Variants in LZTS1 observed in about 807,000 individuals in gnomAD.
LZTS1 encodes leucine zipper putative tumor suppressor 1.
In LZTS1, 31 loss-of-function variants were observed where a neutral mutation model predicts 45.8. The ratio of observed to expected loss-of-function variants is 0.68; its 90% CI spans 0.51 to 0.91. The LOEUF (loss-of-function observed/expected upper bound fraction) is 0.91. Ranked by LOEUF, LZTS1 falls within the 40% of genes least tolerant of loss-of-function variation. The pLI, the probability that LZTS1 is intolerant of heterozygous loss-of-function variation, is 0.00. For synonymous variants in LZTS1, 359 were observed against 357.3 expected (o/e 1.00, Z -0.05); for missense variants, 821 against 788.9 (o/e 1.04, Z -0.49).
intron 1 of LZTS1, among the ~76,000 whole-genome samples, chr8:20,281,661 G>A (rs923280017): frequency 6.6e-6 from 1 of 152,168 alleles, no homozygotes; most frequent in East Asian, 1.9e-4. Flanking sequence ...ATTGAAAAGA[G>A]GCTGGCATCT....
At position 20,253,152 on chromosome 8, in the gene LZTS1, T is replaced by C. The variant is rs759878522; in HGVS notation, c.779A>G (p.Glu260Gly). 1.2e-6 allele frequency: 2 copies of C among 1,613,306 alleles called. No individual in the cohort carries two copies. The highest frequency in any genetic ancestry group is 2.2e-5 in the South Asian group (2 of 91,086). ...CTGCTCCAGCTCCTGGATGCTGCAC[T>C]CGTCCGTGGAGATGGGGGAGCGGAC... ...SCVRSPISTD[E>G]CSIQELEQKL... is the part of the protein sequence containing the mutation. Residue 260 changes from glutamate to glycine, a missense_variant, in exon 3 of 4, where the codon GAG becomes GGG. Coordinates refer to ENST00000381569, the MANE Select transcript of LZTS1 (RefSeq NM_021020.5).
intron 3 of LZTS1, among the ~76,000 whole-genome samples, chr8:20,252,378 C>A (rs1247214641): frequency 3.3e-5 from 5 of 152,200 alleles, no homozygotes; most frequent in Admixed American, 3.3e-4. Context: ...CCCTCCAAAG[C>A]AACAAATGCA....
intron 1 of LZTS1, among the ~76,000 whole-genome samples, chr8:20,300,982 G>A (rs561465235): frequency 2.0e-5 from 3 of 152,032 alleles, no homozygotes; most frequent in East Asian, 1.9e-4. Context: ...TTAGCCAGGC[G>A]TGGTGGCAGG....
intron 1 of LZTS1, among the ~76,000 whole-genome samples, chr8:20,276,346 C>G (rs1800582999): frequency 6.6e-6 from 1 of 151,884 alleles, no homozygotes; most frequent in South Asian, 2.1e-4. Flanking sequence ...AGCCACTGCC[C>G]CTAACCTCTG....
At chr8:20,257,584 C>A (rs1461643778) in intron 1 of LZTS1, among the ~76,000 whole-genome samples, 1 of 152,132 alleles carries the variant, frequency 6.6e-6, no homozygotes, top group Non-Finnish European at 1.5e-5. Context: ...CTAGTTACAT[C>A]ACCTGCCAGC....
At chr8:20,287,553 G>A (rs1370078581) in intron 1 of LZTS1, among the ~76,000 whole-genome samples, 7 of 152,276 alleles carry the variant, frequency 4.6e-5, no homozygotes, top group East Asian at 3.9e-4. Flanking sequence ...AATCTGTGCC[G>A]TCTTCAGGGC....
At chr8:20,256,982 A>T (rs1394361067) in intron 1 of LZTS1, among the ~76,000 whole-genome samples, 1 of 152,158 alleles carries the variant, frequency 6.6e-6, no homozygotes, top group Non-Finnish European at 1.5e-5. Context: ...GAAAAAGAGC[A>T]GCAGAGAAGG....
chr8:20,263,494 T>G (rs1285147297), intron 1 of LZTS1, among the ~76,000 whole-genome samples: 1 of 152,204 alleles, frequency 6.6e-6, no homozygotes, highest in Non-Finnish European at 1.5e-5. Context: ...TCATACATCC[T>G]GCTCTGGAGG....
intron 1 of LZTS1, among the ~76,000 whole-genome samples, chr8:20,302,179 T>C (rs151084436): frequency 9.9e-5 from 15 of 152,218 alleles, no homozygotes; most frequent in Middle Eastern, 3.4e-3. Context: ...CTGGTAGTTA[T>C]GTTGTGAGGA....
Position 20,274,931 on chromosome 8 carries a change from A to G in LZTS1, c.-134-19616T>C, listed in dbSNP as rs1048787346. Among the ~76,000 whole-genome samples the G allele has an allele frequency of 1.2e-4, 18 of 147,550 alleles. 1 individual carries two copies. Among genetic ancestry groups the G allele is most frequent in the Admixed American group, 1.2e-3 (18 of 15,066 alleles). On this transcript the variant is annotated intron_variant, in intron 1 of 3. Transcript: ENST00000381569. ...GTGGGCTCCTTGGAGCGCTGTGATCAAAAACAAAGATAGAGTGGCTGCCAT... is the reference window on the plus strand; with the variant it reads ...GTGGGCTCCTTGGAGCGCTGTGATCGAAAACAAAGATAGAGTGGCTGCCAT...
chr8:20,279,969 CAAA>C (rs57894688), intron 1 of LZTS1, among the ~76,000 whole-genome samples: 23 of 133,882 alleles, frequency 1.7e-4, no homozygotes, highest in East Asian at 2.1e-4. Context: ...AACCGTGTCT[CAAA>C]AAAAAAAAAA....
In LZTS1 at chr8:20,248,143, A is replaced by AC. The variant is rs1241527524; in HGVS notation, c.*1578dup. ...AGACCAGCTTTGGCAACAAAACGAG[A>AC]CCCCGTCCCTACAAAAAAAATGAAA... On this transcript the variant is annotated 3_prime_UTR_variant, in exon 4 of 4. Coordinates refer to ENST00000381569, the MANE Select transcript of LZTS1 (RefSeq NM_021020.5). The AC allele has an allele frequency of 6.6e-6, 1 of 150,852 alleles. No homozygotes were observed. The highest frequency in any genetic ancestry group is 2.0e-4 in the East Asian group (1 of 5,120). The allele number at this position is 150,852 out of a possible 1,614,324, so 9.3% of individuals were successfully genotyped here. A position where few individuals can be genotyped will look rare whatever the true frequency, so the allele number is the denominator to read the frequency against.
intron 1 of LZTS1, among the ~76,000 whole-genome samples, chr8:20,285,995 AC>A (rs1158145395): frequency 6.6e-6 from 1 of 152,242 alleles, no homozygotes; most frequent in East Asian, 1.9e-4. Flanking sequence ...CCTACCACAC[AC>A]GAATATTTCC....
intron 1 of LZTS1, among the ~76,000 whole-genome samples, chr8:20,297,393 T>C (rs1031277404): frequency 6.6e-6 from 1 of 151,398 alleles, no homozygotes; most frequent in Admixed American, 6.6e-5. Context: ...CCTAGCTACA[T>C]CCTACTTTAT....
rs1358033416 is a variant in LZTS1 at position 20,253,206 on chromosome 8, G to A, written c.725C>T (p.Ser242Leu). Reference protein sequence around the residue: ...FSDGGSKLGHSNKADKGPSCV... With the variant: ...FSDGGSKLGHLNKADKGPSCV... ...CGAGGGGCCCTTGTCTGCCTTGTTC[G>A]AGTGGCCCAGCTTGCTACCTCCGTC... is the stretch of plus-strand genomic sequence containing the variant. The change falls in exon 3 of 4, where the codon TCG becomes TTG. Residue 242 changes from serine to leucine, a missense_variant. Physicochemically the swap from Ser to Leu is moderately radical, Grantham distance 145. Transcript: ENST00000381569. 4.3e-6 allele frequency: 7 copies of A among 1,613,640 alleles called. No homozygotes were observed. In the Admixed American group the frequency reaches 8.3e-5, roughly 19 times the overall value.
chr8:20,253,657 G>A (rs146678129), intron 2 of LZTS1, 72 bp from the exon 3 acceptor site: 21,366 of 1,261,762 alleles, frequency 0.017, 234 homozygotes, highest in Middle Eastern at 0.04. Context: ...CCCCAGGCAC[G>A]CGTGCCGACC....
chr8:20,289,007 T>TTTTA (rs1554555278), intron 1 of LZTS1, among the ~76,000 whole-genome samples: 1 of 150,844 alleles, frequency 6.6e-6, no homozygotes. Flanking sequence ...TTTTTTTTTT[T>TTTTA]AGACATATGG....
chr8:20,303,243 G>A (rs1801111896), intron 1 of LZTS1, among the ~76,000 whole-genome samples: 1 of 152,148 alleles, frequency 6.6e-6, no homozygotes, highest in South Asian at 2.1e-4. Flanking sequence ...ATCTCTGGCT[G>A]CAACGCACCG....
At chr8:20,259,407 G>C (rs1260030383) in intron 1 of LZTS1, among the ~76,000 whole-genome samples, 1 of 152,152 alleles carries the variant, frequency 6.6e-6, no homozygotes, top group Non-Finnish European at 1.5e-5. Context: ...AAATGAATCT[G>C]TTTATGGTTC....
Sources: allele counts gnomAD v4.1 joint callset (sites outside exome capture counted in the v4.1 genomes callset), GRCh38; gene constraint gnomAD v4.1.1; transcripts MANE v1.5; gene names NCBI Gene and HGNC (gene_info 2026-07-23, HGNC 2026-07-21).